SPSB1: variants seen among roughly 807,000 people sequenced by gnomAD.
SPSB1 encodes the protein SPRY domain-containing SOCS box protein 1.
In SPSB1, 8 loss-of-function variants were observed where a neutral mutation model predicts 21.2. The observed-to-expected ratio is 0.38, with a 90% CI of 0.22 to 0.68. SPSB1 has a LOEUF of 0.68. Ranked by LOEUF, SPSB1 falls within the 30% of genes least tolerant of loss-of-function variation. The pLI, the probability that SPSB1 is intolerant of heterozygous loss-of-function variation, is 0.53. For synonymous variants in SPSB1, 169 were observed against 161.7 expected, an observed-to-expected ratio of 1.05 and a Z score of -0.34; for missense variants, 242 against 377.8, an observed-to-expected ratio of 0.64 and a Z score of 2.98.
In SPSB1 at chr1:9,293,462, G is replaced by T. The variant is rs1478644455; in HGVS notation, c.-150+391G>T. Among the ~76,000 whole-genome samples, 1 of 151,768 alleles carries T rather than the reference G, an allele frequency of 6.6e-6. No individual in the cohort carries two copies. Among genetic ancestry groups the T allele is most frequent in the Non-Finnish European group, 1.5e-5 (1 of 67,860 alleles). ...CGACCCGTCCCCCCTTTAGCCCGGG[G>T]AAAGCGGGACCCCGCTCGGCTGAGT... is the stretch of plus-strand genomic sequence containing the variant. On this transcript the variant is annotated intron_variant, in intron 1 of 2. Coordinates refer to ENST00000328089, the MANE Select transcript of SPSB1 (RefSeq NM_025106.4). This position sits in a 1 kb window ranked among gnomAD's most constrained non-coding sequence, Gnocchi z 5.1.
chr1:9,325,849 C>T (rs1336137224), intron 1 of SPSB1, among the ~76,000 whole-genome samples: 1 of 152,152 alleles, frequency 6.6e-6, no homozygotes, highest in Non-Finnish European at 1.5e-5. Flanking sequence ...GGAACAGCCA[C>T]CTGGGGCCTC....
Position 9,356,272 on chromosome 1 carries a change from C to G in SPSB1, c.381C>G (p.Val127=), listed in dbSNP as rs144422263. The part of the protein sequence containing the change: ...VATADAPLHS[V]GYTTLVGNNH... Reference sequence around the variant, plus strand: ...CGGCAGACGCCCCCCTGCACTCTGTCGGGTACACAACCCTCGTGGGGAATA... The same window carrying G: ...CGGCAGACGCCCCCCTGCACTCTGTGGGGTACACAACCCTCGTGGGGAATA... The change falls in exon 2 of 3, where the codon GTC becomes GTG. Residue 127 remains valine (V), a synonymous_variant. Coordinates refer to ENST00000328089, the MANE Select transcript of SPSB1 (RefSeq NM_025106.4). The surrounding 1 kb of genome is among the most constrained non-coding windows in gnomAD (Gnocchi z 7.4). 3.7e-6 allele frequency: 6 copies of G among 1,613,166 alleles called. No individual in the cohort carries two copies. Among genetic ancestry groups the G allele is most frequent in the Admixed American group, 3.3e-5 (2 of 60,018 alleles).
At chr1:9,307,074 C>T (rs145515873) in intron 1 of SPSB1, among the ~76,000 whole-genome samples, 1,900 of 151,770 alleles carry the variant, frequency 0.013, 15 homozygotes, top group African/African-American at 0.016. Context: ...ATTACAGGCA[C>T]GTGCCACCAC....
chr1:9,296,152 A>G (rs999533451), intron 1 of SPSB1, among the ~76,000 whole-genome samples: 2 of 152,128 alleles, frequency 1.3e-5, no homozygotes, highest in African/African-American at 4.8e-5. Flanking sequence ...CCTAAGCATA[A>G]TAATAGCGGG....
At chr1:9,323,350 C>G (rs1226975301) in intron 1 of SPSB1, among the ~76,000 whole-genome samples, 1 of 152,232 alleles carries the variant, frequency 6.6e-6, no homozygotes, top group Non-Finnish European at 1.5e-5. Flanking sequence ...TGGATGTGCC[C>G]TCCATGGAGT....
intron 2 of SPSB1, among the ~76,000 whole-genome samples, chr1:9,361,156 CTT>C (rs57871457): frequency 0.011 from 1,151 of 102,570 alleles, 167 homozygotes; most frequent in African/African-American, 0.031. Context: ...CTGTCATTTT[CTT>C]TTTTTTTTTT....
chr1:9,351,673 TAGAA>T (rs1287988062), intron 1 of SPSB1: 5 of 152,128 alleles, frequency 3.3e-5, no homozygotes, highest in Non-Finnish European at 4.4e-5. Flanking sequence ...CATTTTAAAA[TAGAA>T]GGAAGAGGAC....
intron 1 of SPSB1, among the ~76,000 whole-genome samples, chr1:9,353,661 T>A (rs1388073563): frequency 6.6e-6 from 1 of 152,034 alleles, no homozygotes; most frequent in African/African-American, 2.4e-5. Context: ...GGTTCCCACC[T>A]GTAATCCCAG....
intron 1 of SPSB1, among the ~76,000 whole-genome samples, chr1:9,341,742 G>A (rs1640094137): frequency 6.6e-6 from 1 of 152,120 alleles, no homozygotes; most frequent in Non-Finnish European, 1.5e-5. Context: ...CACTCTTGTT[G>A]CCCAGGCTGG....
At chr1:9,306,423 G>C (rs1366032251) in intron 1 of SPSB1, among the ~76,000 whole-genome samples, 5 of 152,188 alleles carry the variant, frequency 3.3e-5, no homozygotes, top group Admixed American at 3.3e-4. Flanking sequence ...GAGGTGCATG[G>C]ACCGGGGTCT....
At chr1:9,310,501 T>G (rs562642030) in intron 1 of SPSB1, among the ~76,000 whole-genome samples, 57 of 152,260 alleles carry the variant, frequency 3.7e-4, no homozygotes, top group Non-Finnish European at 6.9e-4. Flanking sequence ...CTGACCAGCC[T>G]GGGCAACATG....
rs1195926080 is a variant in SPSB1 at position 9,324,665 on chromosome 1, A to G, written c.-149-31078A>G. ...AGCCTGTCTTGTTCCTATAAAGGGC[A>G]CTTTGTGTGTGGCTCCTGGCAGGAG... is the stretch of plus-strand genomic sequence containing the variant. On this transcript the variant is annotated intron_variant, in intron 1 of 2. Coordinates refer to ENST00000328089, the MANE Select transcript of SPSB1 (RefSeq NM_025106.4). This position sits in a 1 kb window ranked among gnomAD's most constrained non-coding sequence, Gnocchi z 4.3. 6.6e-6 allele frequency among the ~76,000 whole-genome samples: 1 copy of G among 152,016 alleles called. No individual in the cohort carries two copies. The highest frequency in any genetic ancestry group is 1.5e-5 in the Non-Finnish European group (1 of 67,984).
chr1:9,334,641 G>A (rs1050085297), intron 1 of SPSB1, among the ~76,000 whole-genome samples: 1 of 152,102 alleles, frequency 6.6e-6, no homozygotes, highest in Non-Finnish European at 1.5e-5. Context: ...CGGAAACTCT[G>A]TGCCCATTCG....
intron 1 of SPSB1, among the ~76,000 whole-genome samples, chr1:9,341,877 T>C (rs1640097494): frequency 3.3e-5 from 5 of 152,164 alleles, no homozygotes. Flanking sequence ...TAATTTTGTA[T>C]TTTTAGTAGA....
intron 1 of SPSB1, among the ~76,000 whole-genome samples, chr1:9,332,060 AAAGCCTTGGCCAGAC>A (rs906319205): frequency 2.6e-5 from 4 of 152,198 alleles, no homozygotes; most frequent in African/African-American, 9.7e-5. Context: ...AAAATTTAAA[AAAGCCTTGGCCAGAC>A]GAGGTGGCTG....
chr1:9,298,633 G>A lies in SPSB1; in HGVS notation c.-150+5562G>A, dbSNP rs1639266492. Among the ~76,000 whole-genome samples the A allele has an allele frequency of 3.3e-5, 5 of 152,194 alleles. No homozygotes were observed. In the South Asian group the frequency reaches 1.0e-3, roughly 32 times the overall value. The stretch of plus-strand genomic sequence containing the variant: ...TAATTAGATTGTTCGGGGATAACTG[G>A]TTACTGAACTGATACTGATTCCAGG... On this transcript the variant is annotated intron_variant, in intron 1 of 2. Transcript: ENST00000328089.
chr1:9,330,806 G>A (rs1557455301), intron 1 of SPSB1, among the ~76,000 whole-genome samples: 2 of 151,926 alleles, frequency 1.3e-5, no homozygotes, highest in South Asian at 4.2e-4. Context: ...TTACCGGATC[G>A]TACGATCATT....
rs549957035 is a variant in SPSB1 at position 9,327,113 on chromosome 1, C to T, written c.-149-28630C>T. ...CGTCGTTTCGTGGGGAAGAGACTAG[C>T]ACAACCCCCAGTGCCCACTTGCAGC... On this transcript the variant is annotated intron_variant, in intron 1 of 2. Coordinates refer to ENST00000328089, the MANE Select transcript of SPSB1 (RefSeq NM_025106.4). Among the ~76,000 whole-genome samples the T allele has an allele frequency of 1.7e-3, 266 of 152,298 alleles. 3 individuals are homozygous for T. The highest frequency in any genetic ancestry group is 6.2e-3 in the African/African-American group (258 of 41,566).
chr1:9,308,398 G>C (rs1047052197), intron 1 of SPSB1, among the ~76,000 whole-genome samples: 3 of 152,174 alleles, frequency 2.0e-5, no homozygotes, highest in African/African-American at 7.2e-5. Flanking sequence ...TGGGTCGGGG[G>C]ACAGTTTCTA....
Sources: allele counts gnomAD v4.1 joint callset (sites outside exome capture counted in the v4.1 genomes callset), GRCh38; gene constraint gnomAD v4.1.1; non-coding constraint Gnocchi (gnomAD v3.1); transcripts MANE v1.5; gene names NCBI Gene and HGNC (gene_info 2026-07-23, HGNC 2026-07-21).